Variants in CLSTN2 observed in about 807,000 individuals in gnomAD.
CLSTN2 encodes calsyntenin-2.
CLSTN2 carries 48 observed loss-of-function variants against 101.2 expected under a neutral mutation model. The observed-to-expected ratio is 0.47, with a 90% CI of 0.38 to 0.60. The LOEUF (loss-of-function observed/expected upper bound fraction) is 0.60, where lower values mean the gene tolerates loss of function less well. CLSTN2 is among the 20% of genes least tolerant of loss of function. The probability of loss-of-function intolerance (pLI) is 0.00; values close to 1 mark genes in which losing one functional copy is unlikely to be tolerated. For missense variants in CLSTN2, 1,160 were observed against 1,238.2 expected (o/e 0.94, Z 0.95); for synonymous variants, 481 against 463.6 (o/e 1.04, Z -0.48).
At chr3:140,355,010 G>A (rs1380162260) in intron 2 of CLSTN2, among the ~76,000 whole-genome samples, 2 of 152,154 alleles carry the variant, frequency 1.3e-5, no homozygotes, top group East Asian at 3.9e-4. Context: ...ATCTGAAGAA[G>A]CTCAAGACCT....
chr3:140,355,236 T>G (rs570376361), intron 2 of CLSTN2, among the ~76,000 whole-genome samples: 1 of 152,292 alleles, frequency 6.6e-6, no homozygotes, highest in African/African-American at 2.4e-5. Flanking sequence ...CTTACTCAAT[T>G]TTTTGAACCT....
At chr3:140,263,514 A>G (rs867666383) in intron 2 of CLSTN2, among the ~76,000 whole-genome samples, 9 of 152,212 alleles carry the variant, frequency 5.9e-5, no homozygotes, top group Admixed American at 1.3e-4. Flanking sequence ...GCTTTGGGCA[A>G]TGAAGTCTTT....
At chr3:140,242,863 G>A (rs2086482703) in intron 2 of CLSTN2, among the ~76,000 whole-genome samples, 1 of 152,198 alleles carries the variant, frequency 6.6e-6, no homozygotes, top group Admixed American at 6.5e-5. Context: ...TGCCCTGGAG[G>A]AAGGGCCTGA....
intron 6 of CLSTN2, 47 bp from the exon 7 acceptor site, chr3:140,459,474 G>A (rs1293355369): frequency 6.2e-7 from 1 of 1,604,532 alleles, no homozygotes; most frequent in Admixed American, 1.7e-5. Flanking sequence ...AACAGATGAG[G>A]ACACCGCATC....
chr3:140,054,441 C>A (rs1238482757), intron 1 of CLSTN2, among the ~76,000 whole-genome samples: 1 of 152,052 alleles, frequency 6.6e-6, no homozygotes, highest in Non-Finnish European at 1.5e-5. Context: ...AAAATGTGAA[C>A]TATTTTGTAG....
intron 2 of CLSTN2, among the ~76,000 whole-genome samples, chr3:140,209,692 T>G (rs990621449): frequency 3.3e-5 from 5 of 152,006 alleles, no homozygotes; most frequent in African/African-American, 1.2e-4. Context: ...ACACTGATAC[T>G]CAGTGTCGAA....
intron 2 of CLSTN2, among the ~76,000 whole-genome samples, chr3:140,278,500 C>G (rs1272898520): frequency 6.6e-6 from 1 of 152,174 alleles, no homozygotes; most frequent in South Asian, 2.1e-4. Context: ...CCTCCTCCTT[C>G]TGGCCTCCTT....
At chr3:140,433,753 G>A (rs1576565330) in intron 5 of CLSTN2, among the ~76,000 whole-genome samples, 1 of 152,346 alleles carries the variant, frequency 6.6e-6, no homozygotes, top group Middle Eastern at 3.4e-3. Flanking sequence ...AGGTAGGAAT[G>A]CCTAAATTAA....
At chr3:140,049,396 A>G (rs2007943957) in intron 1 of CLSTN2, among the ~76,000 whole-genome samples, 1 of 152,196 alleles carries the variant, frequency 6.6e-6, no homozygotes, top group Admixed American at 6.5e-5. Flanking sequence ...CACCAATTAT[A>G]ATCTTTAGAT....
chr3:139,952,961 A>G (rs368947451), intron 1 of CLSTN2, among the ~76,000 whole-genome samples: 100 of 152,268 alleles, frequency 6.6e-4, no homozygotes, highest in Middle Eastern at 3.4e-3. Flanking sequence ...AAACGGCCCC[A>G]TATTCTACCC....
At chr3:140,163,568 C>G (rs990380789) in intron 1 of CLSTN2, among the ~76,000 whole-genome samples, 11 of 152,030 alleles carry the variant, frequency 7.2e-5, no homozygotes, top group African/African-American at 2.7e-4. Flanking sequence ...TATATTGTCT[C>G]TTTGTACCCT....
At chr3:140,513,583 CTTTT>C (rs55778787) in intron 8 of CLSTN2, among the ~76,000 whole-genome samples, 1 of 117,758 alleles carries the variant, frequency 8.5e-6, no homozygotes, top group Admixed American at 9.3e-5. Flanking sequence ...TTTTTTCTTT[CTTTT>C]TTTTTTTTTT....
intron 2 of CLSTN2, among the ~76,000 whole-genome samples, chr3:140,220,676 C>T (rs2086262455): frequency 6.6e-6 from 1 of 152,234 alleles, no homozygotes; most frequent in Non-Finnish European, 1.5e-5. Context: ...TGGATTGGCA[C>T]CTGCTTCCAT....
intron 9 of CLSTN2, among the ~76,000 whole-genome samples, chr3:140,543,839 A>G (rs1323057948): frequency 6.6e-6 from 1 of 152,240 alleles, no homozygotes; most frequent in Non-Finnish European, 1.5e-5. Flanking sequence ...TGTTCTCATG[A>G]TTCTTCCTGG....
At position 140,546,633 on chromosome 3, in the gene CLSTN2, G is replaced by C; in HGVS notation, c.1626G>C (p.Lys542Asn). Residue 542 changes from lysine to asparagine, a missense_variant, in exon 10 of 17, where the codon AAG (lysine) becomes AAC (asparagine). By Grantham distance (94) the Lys-to-Asn change is moderately conservative. Coordinates refer to ENST00000458420, the MANE Select transcript of CLSTN2 (RefSeq NM_022131.3). ...TGATCTCCTGCCTGCAGGCCTGCAA[G>C]GAAGGGCTGGACATTAATTCCTTGG... ...QKVISCLQAC[K>N]EGLDINSLES... 1 of 1,613,940 alleles carries C rather than the reference G, an allele frequency of 6.2e-7. No homozygotes were observed. The highest frequency in any genetic ancestry group is 8.5e-7 in the Non-Finnish European group (1 of 1,179,974).
chr3:140,426,015 A>G (rs1038887765), intron 5 of CLSTN2, among the ~76,000 whole-genome samples: 1 of 152,196 alleles, frequency 6.6e-6, no homozygotes, highest in Non-Finnish European at 1.5e-5. Flanking sequence ...ATGAAAAATT[A>G]TATTAGGAAC....
At chr3:140,470,323 C>T (rs895329194) in intron 8 of CLSTN2, among the ~76,000 whole-genome samples, 3 of 152,208 alleles carry the variant, frequency 2.0e-5, no homozygotes, top group Non-Finnish European at 4.4e-5. Context: ...GTGATAGGCA[C>T]GGTGGGCTGG....
chr3:140,388,818 G>A (rs976708237), intron 2 of CLSTN2, among the ~76,000 whole-genome samples: 1 of 152,182 alleles, frequency 6.6e-6, no homozygotes, highest in Non-Finnish European at 1.5e-5. Flanking sequence ...TAGGAAGGAA[G>A]TATCTAATAT....
chr3:140,177,912 C>T (rs562048078), intron 2 of CLSTN2, among the ~76,000 whole-genome samples: 6 of 152,066 alleles, frequency 3.9e-5, no homozygotes, highest in African/African-American at 1.4e-4. Context: ...GAGCATGAAC[C>T]CCTCACTTCC....
Sources: gnomAD v4.1 joint callset for allele counts (sites outside exome capture counted in the v4.1 genomes callset) on GRCh38, gnomAD v4.1.1 for gene constraint, MANE v1.5 for transcripts, NCBI Gene and HGNC (gene_info 2026-07-23, HGNC 2026-07-21) for gene names.